The following SNRPD1 variants were observed in gnomAD, a reference collection of about 807,000 sequenced individuals.
The protein encoded by SNRPD1 is small nuclear ribonucleoprotein D1 polypeptide, also known as small nuclear ribonucleoprotein Sm D1.
In SNRPD1, 1 loss-of-function variant was observed where a neutral mutation model predicts 14.4. That is an observed-to-expected ratio of 0.07 (90% confidence interval 0.02 to 0.33). SNRPD1 has a LOEUF of 0.33. SNRPD1 is among the 10% of genes least tolerant of loss of function. The pLI, the probability that SNRPD1 is intolerant of heterozygous loss-of-function variation, is 1.00. For synonymous variants in SNRPD1, 42 were observed against 50.3 expected, an observed-to-expected ratio of 0.83 and a Z score of 0.70; for missense variants, 52 against 146.4, an observed-to-expected ratio of 0.36 and a Z score of 3.33.
intron 1 of SNRPD1, among the ~76,000 whole-genome samples, chr18:21,614,868 G>A (rs528152310): frequency 6.6e-6 from 1 of 152,144 alleles, no homozygotes; most frequent in Non-Finnish European, 1.5e-5. Flanking sequence ...GTTAGGGAGG[G>A]ATAATTGTGT....
At position 21,622,593 on chromosome 18, in the gene SNRPD1, T is replaced by C. The variant is rs535942440; in HGVS notation, c.15-132T>C. ...TAATTCAGGAAAGCTGAAATTGTTA[T>C]GCAGATTATTGATAGGAATTGATGC... is the stretch of plus-strand genomic sequence containing the variant. On this transcript the variant is annotated intron_variant, in intron 1 of 3. Coordinates refer to ENST00000300413, the MANE Select transcript of SNRPD1 (RefSeq NM_006938.4). The C allele has an allele frequency of 3.8e-4, 230 of 598,762 alleles. 3 individuals carry two copies. The South Asian group carries it at 4.9e-3, about 13-fold the overall frequency. The allele number at this position is 598,762 out of a possible 1,614,324, so 37.1% of individuals were successfully genotyped here.
At chr18:21,618,644 C>G (rs1304574129) in intron 1 of SNRPD1, among the ~76,000 whole-genome samples, 1 of 152,084 alleles carries the variant, frequency 6.6e-6, no homozygotes, top group African/African-American at 2.4e-5. Flanking sequence ...AGCTGAATAA[C>G]TCTCTGGTGA....
intron 1 of SNRPD1, among the ~76,000 whole-genome samples, 161 bp from the exon 2 acceptor site, chr18:21,622,564 G>A (rs1304777138): frequency 6.6e-6 from 1 of 152,152 alleles, no homozygotes; most frequent in African/African-American, 2.4e-5. Flanking sequence ...AAAGGTTGAG[G>A]ATATAATTCA....
Position 21,632,728 on chromosome 18 carries a change from C to G in SNRPD1, c.*3590C>G, listed in dbSNP as rs1961901117. On this transcript the variant is annotated 3_prime_UTR_variant, in exon 4 of 4. Coordinates refer to ENST00000300413, the MANE Select transcript of SNRPD1 (RefSeq NM_006938.4). ...GAGTTTAACATGCTTCTCTTGACCCCTCTTCACCACCCCCTAAAAGGCAGA... is the reference window on the plus strand; with the variant it reads ...GAGTTTAACATGCTTCTCTTGACCCGTCTTCACCACCCCCTAAAAGGCAGA... 1 of 152,294 alleles carries G rather than the reference C, an allele frequency of 6.6e-6. No homozygotes were observed. Among genetic ancestry groups the G allele is most frequent in the Non-Finnish European group, 1.5e-5 (1 of 68,142 alleles). 9.4% of individuals were successfully genotyped at this position (152,294 alleles called of 1,614,324 possible).
intron 2 of SNRPD1, 62 bp downstream of exon 2, chr18:21,622,863 A>AT (rs1459470973): frequency 1.2e-5 from 9 of 747,150 alleles, no homozygotes; most frequent in Non-Finnish European, 1.9e-5. Context: ...GCCAGAGTTT[A>AT]TTTTTTTATT....
chr18:21,627,460 G>A (rs2039049039), intron 3 of SNRPD1, among the ~76,000 whole-genome samples: 1 of 103,684 alleles, frequency 9.6e-6, no homozygotes, highest in Non-Finnish European at 1.8e-5. Context: ...TTTTTTTTGA[G>A]ACAGAGTCAT....
intron 1 of SNRPD1, among the ~76,000 whole-genome samples, chr18:21,621,550 G>A (rs1470615662): frequency 6.6e-6 from 1 of 151,930 alleles, no homozygotes; most frequent in Non-Finnish European, 1.5e-5. Flanking sequence ...ACAGGCGTGC[G>A]CCACCTTGCC....
At chr18:21,612,594 C>T (rs940897038) in intron 1 of SNRPD1, 151 bp downstream of exon 1, 7 of 549,844 alleles carry the variant, frequency 1.3e-5, no homozygotes, top group East Asian at 3.0e-5. Context: ...AGCTCGTGCT[C>T]GGGCCTGGGC....
chr18:21,621,378 T>A (rs1284630901), intron 1 of SNRPD1, among the ~76,000 whole-genome samples: 1 of 152,130 alleles, frequency 6.6e-6, no homozygotes, highest in East Asian at 1.9e-4. Context: ...TGGAATACTT[T>A]CCAGTTCTTA....
At chr18:21,618,745 G>T (rs1213750297) in intron 1 of SNRPD1, among the ~76,000 whole-genome samples, 1 of 151,942 alleles carries the variant, frequency 6.6e-6, no homozygotes, top group East Asian at 1.9e-4. Flanking sequence ...AAAGTTTGAG[G>T]CTTGTTATAT....
chr18:21,625,049 G>A (rs1286291574), intron 3 of SNRPD1, among the ~76,000 whole-genome samples: 3 of 152,022 alleles, frequency 2.0e-5, no homozygotes, highest in African/African-American at 7.2e-5. Flanking sequence ...TCCTCAGTTG[G>A]TTAAATCCAT....
intron 3 of SNRPD1, among the ~76,000 whole-genome samples, chr18:21,624,244 T>C (rs1199459417): frequency 6.6e-6 from 1 of 151,510 alleles, no homozygotes; most frequent in African/African-American, 2.4e-5. Flanking sequence ...CTGGGCATGG[T>C]GGCGGGTGCC....
intron 1 of SNRPD1, among the ~76,000 whole-genome samples, chr18:21,615,648 C>T (rs567179626): frequency 2.0e-5 from 3 of 151,980 alleles, no homozygotes; most frequent in East Asian, 1.9e-4. Flanking sequence ...AAAAAAGCTC[C>T]GTATTTTAAA....
At chr18:21,625,315 A>AT (rs748864232) in intron 3 of SNRPD1, among the ~76,000 whole-genome samples, 4 of 98,264 alleles carry the variant, frequency 4.1e-5, no homozygotes, top group Non-Finnish European at 5.2e-5. Flanking sequence ...TGTTGAAAAA[A>AT]ATTTTTTTTT....
At chr18:21,613,830 G>A (rs896944217) in intron 1 of SNRPD1, among the ~76,000 whole-genome samples, 7 of 138,612 alleles carry the variant, frequency 5.1e-5, no homozygotes, top group Admixed American at 4.1e-4. Context: ...GCTCCAGCCT[G>A]GGCGACAGAG....
At chr18:21,625,862 G>A (rs916578866) in intron 3 of SNRPD1, among the ~76,000 whole-genome samples, 3 of 152,064 alleles carry the variant, frequency 2.0e-5, no homozygotes, top group Non-Finnish European at 4.4e-5. Flanking sequence ...GCCTGCCTGG[G>A]CCTCCCTAAG....
At chr18:21,622,849 C>G in intron 2 of SNRPD1, 48 bp downstream of exon 2, 1 of 905,986 alleles carries the variant, frequency 1.1e-6, no homozygotes, top group South Asian at 1.4e-5. Flanking sequence ...TTCTCTTTTA[C>G]CTAGCCAGAG....
chr18:21,627,354 A>G (rs534829202), intron 3 of SNRPD1, among the ~76,000 whole-genome samples: 30 of 151,346 alleles, frequency 2.0e-4, no homozygotes, highest in South Asian at 1.0e-3. Context: ...GTCTCAAACA[A>G]TCCTCCTGCT....
At chr18:21,616,817 C>T (rs2038961360) in intron 1 of SNRPD1, among the ~76,000 whole-genome samples, 1 of 151,892 alleles carries the variant, frequency 6.6e-6, no homozygotes, top group Non-Finnish European at 1.5e-5. Context: ...TCCCGAGTAG[C>T]TGGGACTACA....
Sources: gnomAD v4.1 joint callset for allele counts (sites outside exome capture counted in the v4.1 genomes callset) on GRCh38, gnomAD v4.1.1 for gene constraint, MANE v1.5 for transcripts, NCBI Gene and HGNC (gene_info 2026-07-23, HGNC 2026-07-21) for gene names.